Variants in VWA8 observed in about 807,000 individuals in gnomAD.
VWA8 encodes von Willebrand factor A domain containing 8.
Under a neutral mutation model 241.5 loss-of-function variants are expected in VWA8, and 221 were observed. That is an observed-to-expected ratio of 0.91 (90% CI 0.82 to 1.02). The LOEUF (loss-of-function observed/expected upper bound fraction) is 1.02. Among genes scored for constraint, VWA8 ranks in the 50% least tolerant of loss-of-function variants. VWA8 has a pLI of 0.00. For synonymous variants in VWA8, 852 were observed against 827.1 expected (o/e 1.03, Z -0.52); for missense variants, 2,322 against 2,328.7 (o/e 1.00, Z 0.06).
intron 12 of VWA8, among the ~76,000 whole-genome samples, chr13:41,859,060 G>A (rs1872887396): frequency 6.8e-6 from 1 of 146,930 alleles, no homozygotes; most frequent in Admixed American, 6.9e-5. Flanking sequence ...CTGGTGGACA[G>A]AGCAAAAACC....
intron 33 of VWA8, 62 bp from the exon 34 acceptor site, chr13:41,689,570 C>T (rs1424169369): frequency 1.3e-5 from 19 of 1,414,548 alleles, no homozygotes; most frequent in Non-Finnish European, 1.7e-5. Flanking sequence ...TAATTTTTTG[C>T]AAGATTTTAT....
At chr13:41,655,175 C>T (rs574180453) in intron 37 of VWA8, among the ~76,000 whole-genome samples, 7 of 151,906 alleles carry the variant, frequency 4.6e-5, no homozygotes, top group South Asian at 4.2e-4. Context: ...CTGCAACCTC[C>T]GCCCCCTGGG....
chr13:41,803,082 G>C (rs1870028465), intron 17 of VWA8, among the ~76,000 whole-genome samples: 1 of 152,240 alleles, frequency 6.6e-6, no homozygotes, highest in South Asian at 2.1e-4. Flanking sequence ...CTATGAGTCT[G>C]CAAGAATCAC....
chr13:41,738,850 G>C (rs1482455244), intron 21 of VWA8, among the ~76,000 whole-genome samples: 2 of 152,126 alleles, frequency 1.3e-5, no homozygotes, highest in Admixed American at 6.5e-5. Flanking sequence ...ATACAAAGTT[G>C]AATGAGTATA....
At chr13:41,777,922 T>C (rs1868681856) in intron 20 of VWA8, 63 bp downstream of exon 20, 2 of 1,385,166 alleles carry the variant, frequency 1.4e-6, no homozygotes, top group Middle Eastern at 3.7e-4. Flanking sequence ...AAGAAGAAAC[T>C]TACTGCTTTT....
chr13:41,579,176 C>A (rs1253673685), intron 42 of VWA8, among the ~76,000 whole-genome samples: 7 of 152,140 alleles, frequency 4.6e-5, no homozygotes, highest in Non-Finnish European at 1.0e-4. Context: ...TAAGTAGGTA[C>A]GAGACAATCA....
At chr13:41,951,403 C>T (rs969601634) in intron 1 of VWA8, among the ~76,000 whole-genome samples, 2 of 152,112 alleles carry the variant, frequency 1.3e-5, no homozygotes, top group African/African-American at 4.8e-5. Context: ...GGCAACGGTG[C>T]GACACTCCGT....
intron 38 of VWA8, among the ~76,000 whole-genome samples, chr13:41,611,969 T>C (rs1030804486): frequency 5.3e-5 from 8 of 152,242 alleles, no homozygotes; most frequent in Non-Finnish European, 1.2e-4. Flanking sequence ...TATGACACCT[T>C]AGCTAATGCT....
At chr13:41,631,084 A>G (rs2044723485) in intron 37 of VWA8, among the ~76,000 whole-genome samples, 1 of 152,104 alleles carries the variant, frequency 6.6e-6, no homozygotes, top group African/African-American at 2.4e-5. Context: ...CAGTGGTGCG[A>G]TCATGGCTCA....
intron 21 of VWA8, among the ~76,000 whole-genome samples, chr13:41,752,203 G>T (rs1390250064): frequency 1.3e-5 from 2 of 152,066 alleles, no homozygotes; most frequent in South Asian, 2.1e-4. Context: ...TTCAAGTCCT[G>T]CCTGTTTTCA....
chr13:41,740,217 A>G (rs2137877136), intron 21 of VWA8, among the ~76,000 whole-genome samples: 1 of 152,278 alleles, frequency 6.6e-6, no homozygotes, highest in South Asian at 2.1e-4. Context: ...AGAGGACAGA[A>G]GACTGAAGCA....
At chr13:41,926,220 A>C in intron 2 of VWA8, 2 of 695,450 alleles carry the variant, frequency 2.9e-6, no homozygotes, top group South Asian at 3.3e-5. Flanking sequence ...GTCTCCCCAC[A>C]TGCATATGTT....
At chr13:41,894,333 T>C (rs974047662) in intron 4 of VWA8, among the ~76,000 whole-genome samples, 1 of 152,034 alleles carries the variant, frequency 6.6e-6, no homozygotes, top group Non-Finnish European at 1.5e-5. Context: ...ATACACAAGG[T>C]TTTTTTTCCA....
chr13:41,874,743 T>A (rs1224452808), intron 9 of VWA8, among the ~76,000 whole-genome samples: 1 of 152,156 alleles, frequency 6.6e-6, no homozygotes, highest in Non-Finnish European at 1.5e-5. Context: ...CATACCTTTT[T>A]CTAGATTGTT....
intron 12 of VWA8, 130 bp from the exon 13 acceptor site, chr13:41,833,661 ATCT>A (rs371860870): frequency 1.8e-6 from 2 of 1,087,540 alleles, no homozygotes; most frequent in East Asian, 3.1e-5. Context: ...CAGAGAAGTC[ATCT>A]TCTCCAATTC....
chr13:41,729,986 C>T (rs773043033), intron 22 of VWA8, among the ~76,000 whole-genome samples: 14 of 151,874 alleles, frequency 9.2e-5, no homozygotes, highest in African/African-American at 3.1e-4. Flanking sequence ...ACATCTCACA[C>T]CCAAGAGTAG....
intron 37 of VWA8, among the ~76,000 whole-genome samples, chr13:41,666,343 T>C (rs2044985981): frequency 6.6e-6 from 1 of 152,166 alleles, no homozygotes; most frequent in South Asian, 2.1e-4. Context: ...TGATACTATC[T>C]TATCTGTGTT....
chr13:41,850,716 T>G (rs1303382538), intron 12 of VWA8, among the ~76,000 whole-genome samples: 1 of 152,054 alleles, frequency 6.6e-6, no homozygotes, highest in African/African-American at 2.4e-5. Context: ...AAGCTTTCCC[T>G]ATCAAGGCCA....
intron 19 of VWA8, among the ~76,000 whole-genome samples, chr13:41,783,505 G>A (rs975473391): frequency 1.3e-5 from 2 of 152,072 alleles, no homozygotes; most frequent in East Asian, 1.9e-4. Context: ...AGGCATGGTG[G>A]CACATGCCTC....
Sources: allele counts gnomAD v4.1 joint callset (sites outside exome capture counted in the v4.1 genomes callset), GRCh38; gene constraint gnomAD v4.1.1; transcripts MANE v1.5; gene names NCBI Gene and HGNC (gene_info 2026-07-23, HGNC 2026-07-21).